KATNIP: variants seen among roughly 807,000 people sequenced by gnomAD.
KATNIP encodes the protein katanin interacting protein, also known as katanin-interacting protein.
In KATNIP, 126 loss-of-function variants were observed where a neutral mutation model predicts 174.0. That is an observed-to-expected ratio of 0.72 (90% CI 0.63 to 0.84). KATNIP has a LOEUF of 0.84. Ranked by LOEUF, KATNIP falls within the 40% of genes least tolerant of loss-of-function variation. KATNIP has a pLI of 0.00. For synonymous variants in KATNIP, 810 were observed against 835.7 expected, an observed-to-expected ratio of 0.97 and a Z score of 0.53; for missense variants, 1,958 against 2,109.7, an observed-to-expected ratio of 0.93 and a Z score of 1.41.
At chr16:27,562,849 G>T (rs2089941110) in intron 1 of KATNIP, among the ~76,000 whole-genome samples, 2 of 152,294 alleles carry the variant, frequency 1.3e-5, no homozygotes, top group African/African-American at 2.4e-5. Context: ...CTTCAATGGG[G>T]TATTAAACTG....
chr16:27,744,206 G>T (rs954579604), intron 15 of KATNIP, among the ~76,000 whole-genome samples: 8 of 152,220 alleles, frequency 5.3e-5, no homozygotes, highest in Non-Finnish European at 1.0e-4. Context: ...TCTATTCTGG[G>T]ATTGGAATTT....
intron 2 of KATNIP, among the ~76,000 whole-genome samples, chr16:27,584,354 G>A (rs929562484): frequency 2.0e-5 from 3 of 151,954 alleles, no homozygotes; most frequent in Admixed American, 2.0e-4. Flanking sequence ...TCAACCCTAC[G>A]TAAAGCACAT....
rs181539279 is a variant in KATNIP, at chr16:27,743,320, G to A, written c.2623+2400G>A. Among the ~76,000 whole-genome samples the A allele has an allele frequency of 3.3e-5, 5 of 151,902 alleles. No homozygotes were observed. The South Asian group carries it at 6.2e-4, about 19-fold the overall frequency. ...ATGCATTTTTTTAATGATTCAAATC[G>A]GCATCTTCTGTATTAGGGAGTGTCT... is the stretch of plus-strand genomic sequence containing the variant. On this transcript the variant is annotated intron_variant, in intron 15 of 27. Coordinates refer to ENST00000261588, the MANE Select transcript of KATNIP (RefSeq NM_015202.5).
intron 2 of KATNIP, among the ~76,000 whole-genome samples, chr16:27,604,017 G>A (rs913670547): frequency 3.3e-5 from 5 of 152,124 alleles, no homozygotes; most frequent in African/African-American, 1.2e-4. Context: ...GAATACAAGT[G>A]TGAGCCACTG....
At chr16:27,624,935 T>C (rs765440238) in intron 3 of KATNIP, among the ~76,000 whole-genome samples, 3 of 152,124 alleles carry the variant, frequency 2.0e-5, no homozygotes, top group Non-Finnish European at 4.4e-5. Context: ...AATACACAGA[T>C]ACATCCATAA....
At chr16:27,634,263 C>T (rs912974513) in intron 5 of KATNIP, among the ~76,000 whole-genome samples, 3 of 152,150 alleles carry the variant, frequency 2.0e-5, no homozygotes, top group Non-Finnish European at 2.9e-5. Context: ...CTGTAATTGT[C>T]CTTCTACACT....
At chr16:27,681,599 A>G in intron 8 of KATNIP, 69 bp downstream of exon 8, 1 of 1,582,288 alleles carries the variant, frequency 6.3e-7, no homozygotes, top group Middle Eastern at 1.8e-4. Context: ...GGGTGCCATG[A>G]TGGGAGGCCG....
rs2081639239 is a variant in KATNIP, at chr16:27,754,435, G to T, written c.3631+184G>T. On this transcript the variant is annotated intron_variant, in intron 18 of 27. Transcript: ENST00000261588. Reference sequence around the variant, plus strand: ...TGCGCTCAGCTCCCTGGCCCTAGCAGGGCCACCTCACTCCAGAGGAGGGGC... The same window carrying T: ...TGCGCTCAGCTCCCTGGCCCTAGCATGGCCACCTCACTCCAGAGGAGGGGC... 8.4e-6 allele frequency: 5 copies of T among 592,042 alleles called. No homozygotes were observed. In the East Asian group the frequency reaches 1.5e-4, roughly 17 times the overall value. 36.7% of individuals were successfully genotyped at this position (592,042 alleles called of 1,614,324 possible). A position where few individuals can be genotyped will look rare whatever the true frequency, so the allele number is the denominator to read the frequency against.
chr16:27,725,070 T>C (rs2080390353), intron 14 of KATNIP, among the ~76,000 whole-genome samples: 1 of 152,170 alleles, frequency 6.6e-6, no homozygotes, highest in East Asian at 1.9e-4. Flanking sequence ...ACGTGGAGGC[T>C]GCACCACCAC....
rs538988669 is a variant in KATNIP at position 27,638,511 on chromosome 16, G to T, written c.408+7349G>T. Among the ~76,000 whole-genome samples, 4 of 152,242 alleles carry T rather than the reference G, an allele frequency of 2.6e-5. No individual in the cohort carries two copies. The South Asian group carries it at 8.3e-4, about 32-fold the overall frequency. On this transcript the variant is annotated intron_variant, in intron 5 of 27. Coordinates refer to ENST00000261588, the MANE Select transcript of KATNIP (RefSeq NM_015202.5). The stretch of plus-strand genomic sequence containing the variant: ...TTGGATGGGCTCCTGCCATGCTTAG[G>T]GGCAGCCAAGGTAGGCAGAGTGGTC...
intron 2 of KATNIP, among the ~76,000 whole-genome samples, chr16:27,604,530 C>T (rs2075640457): frequency 1.3e-5 from 2 of 152,142 alleles, no homozygotes; most frequent in East Asian, 1.9e-4. Context: ...TCACCGCACT[C>T]GACTGTCTTA....
Position 27,703,927 on chromosome 16 carries a change from G to T in KATNIP, c.1318G>T (p.Ala440Ser). The change falls in exon 12 of 28, where the codon GCC becomes TCC. Residue 440 changes from alanine to serine, a missense_variant. Physicochemically the swap from Ala to Ser is moderately conservative, Grantham distance 99. Transcript: ENST00000261588. ...QQQKLLKVLQ[A>S]VESDSAHLGR... ...GCAGAAGCTTCTGAAAGTCCTCCAG[G>T]CCGTCGAAAGTGACTCTGCCCATCT... 6.2e-7 allele frequency: 1 copy of T among 1,614,160 alleles called. No individual in the cohort carries two copies. Among genetic ancestry groups the T allele is most frequent in the African/African-American group, 1.3e-5 (1 of 75,028 alleles).
At chr16:27,592,270 CTTTTTTTTTTTTTTTTT>C (rs71137799) in intron 2 of KATNIP, among the ~76,000 whole-genome samples, 1 of 44,780 alleles carries the variant, frequency 2.2e-5, no homozygotes, top group African/African-American at 9.3e-5. Flanking sequence ...GCATATATTA[CTTTTTTTTTTTTTTTTT>C]TTTTTTTTTT....
intron 8 of KATNIP, among the ~76,000 whole-genome samples, chr16:27,689,505 A>T (rs1217463680): frequency 6.6e-6 from 1 of 152,116 alleles, no homozygotes; most frequent in Non-Finnish European, 1.5e-5. Context: ...AGTAGAAGTC[A>T]TTTAGTCTGG....
At chr16:27,685,242 T>C (rs1356592793) in intron 8 of KATNIP, 2 of 151,768 alleles carry the variant, frequency 1.3e-5, no homozygotes, top group African/African-American at 4.8e-5. Flanking sequence ...ACACAAAAAA[T>C]TACCTGGACA....
chr16:27,734,375 C>T (rs1304063579), intron 14 of KATNIP, among the ~76,000 whole-genome samples: 1 of 149,196 alleles, frequency 6.7e-6, no homozygotes, highest in Non-Finnish European at 1.5e-5. Flanking sequence ...GCCACTGCGC[C>T]TGGCCCATAG....
intron 1 of KATNIP, among the ~76,000 whole-genome samples, chr16:27,568,379 G>A (rs2090164568): frequency 6.6e-6 from 1 of 152,216 alleles, no homozygotes; most frequent in African/African-American, 2.4e-5. Context: ...CTGATTCCTA[G>A]TAGTGATATT....
intron 1 of KATNIP, among the ~76,000 whole-genome samples, chr16:27,563,889 A>AT (rs1199597778): frequency 6.5e-5 from 6 of 92,920 alleles, no homozygotes; most frequent in Non-Finnish European, 1.1e-4. Context: ...TCTCTAGTAA[A>AT]TTAAAAAAAA....
intron 18 of KATNIP, among the ~76,000 whole-genome samples, chr16:27,757,176 C>T (rs1433147364): frequency 2.6e-5 from 4 of 152,206 alleles, no homozygotes; most frequent in Non-Finnish European, 5.9e-5. Flanking sequence ...CCTCATACTC[C>T]TGGGCTCACG....
Sources: gnomAD v4.1 joint callset for allele counts (sites outside exome capture counted in the v4.1 genomes callset) on GRCh38, gnomAD v4.1.1 for gene constraint, MANE v1.5 for transcripts, NCBI Gene and HGNC (gene_info 2026-07-23, HGNC 2026-07-21) for gene names.